RASGRP3: variants seen among roughly 807,000 people sequenced by gnomAD.
RASGRP3 encodes ras guanyl-releasing protein 3.
Under a neutral mutation model 82.7 loss-of-function variants are expected in RASGRP3, and 54 were observed. The observed-to-expected ratio is 0.65, with a 90% CI of 0.52 to 0.82. The LOEUF is 0.82. RASGRP3 is among the 40% of genes least tolerant of loss of function. The pLI, the probability that RASGRP3 is intolerant of heterozygous loss-of-function variation, is 0.00. For missense variants in RASGRP3, 861 were observed against 828.9 expected, an observed-to-expected ratio of 1.04 and a Z score of -0.48; for synonymous variants, 309 against 300.5, an observed-to-expected ratio of 1.03 and a Z score of -0.29.
intron 13 of RASGRP3, among the ~76,000 whole-genome samples, chr2:33,546,161 C>T (rs1024609025): frequency 2.0e-5 from 3 of 151,504 alleles, no homozygotes; most frequent in East Asian, 2.0e-4. Flanking sequence ...CTGTGGCCCA[C>T]GCCTGTAATC....
chr2:33,548,846 G>A (rs1309243512), intron 13 of RASGRP3, among the ~76,000 whole-genome samples: 2 of 151,920 alleles, frequency 1.3e-5, no homozygotes, highest in Non-Finnish European at 2.9e-5. Flanking sequence ...ACACCACCAC[G>A]TCCAGCTAAT....
chr2:33,535,573 C>G (rs2151058000), intron 11 of RASGRP3, among the ~76,000 whole-genome samples: 1 of 152,372 alleles, frequency 6.6e-6, no homozygotes, highest in East Asian at 1.9e-4. Flanking sequence ...CTGGCCCTGG[C>G]AGGGCATGCA....
intron 3 of RASGRP3, among the ~76,000 whole-genome samples, chr2:33,515,744 C>T (rs1671402507): frequency 6.6e-6 from 1 of 152,078 alleles, no homozygotes; most frequent in African/African-American, 2.4e-5. Context: ...CTGTATGCTC[C>T]TTGTGTTGTT....
At chr2:33,446,970 C>G (rs1665534282) in intron 1 of RASGRP3, among the ~76,000 whole-genome samples, 1 of 151,850 alleles carries the variant, frequency 6.6e-6, no homozygotes, top group African/African-American at 2.4e-5. Context: ...GGTGAAACCC[C>G]GTCTCTGCTA....
chr2:33,498,833 G>T (rs774681896), intron 1 of RASGRP3, among the ~76,000 whole-genome samples: 3 of 151,884 alleles, frequency 2.0e-5, no homozygotes, highest in African/African-American at 4.8e-5. Context: ...CCCCTCTCTA[G>T]ATCCTCAAGC....
intron 11 of RASGRP3, among the ~76,000 whole-genome samples, chr2:33,537,137 GA>G (rs1423530517): frequency 6.6e-6 from 1 of 151,884 alleles, no homozygotes; most frequent in Admixed American, 6.6e-5. Flanking sequence ...CTGGAAAGGG[GA>G]TGGAGTGGGA....
chr2:33,478,031 C>G (rs1416404997), intron 1 of RASGRP3, among the ~76,000 whole-genome samples: 1 of 152,122 alleles, frequency 6.6e-6, no homozygotes, highest in Non-Finnish European at 1.5e-5. Context: ...GAACACTGTT[C>G]TCTCCCCACC....
At position 33,558,227 on chromosome 2, in the gene RASGRP3, T is replaced by C. The variant is rs371961537; in HGVS notation, c.1596T>C (p.Cys532=). ...GYKCKDCGAN[C]HKQCKDLLVL... ...ATTTTTCAGACTGTGGAGCCAATTGTCACAAACAGTGCAAAGACCTCCTGG... is the reference window on the plus strand; with the variant it reads ...ATTTTTCAGACTGTGGAGCCAATTGCCACAAACAGTGCAAAGACCTCCTGG... The change falls in exon 16 of 18, where the codon TGT becomes TGC. Residue 532 remains cysteine (C), a synonymous_variant. Coordinates refer to ENST00000403687, the MANE Select transcript of RASGRP3 (RefSeq NM_001139488.2). 6.2e-7 allele frequency: 1 copy of C among 1,611,494 alleles called. No individual in the cohort carries two copies. Among genetic ancestry groups the C allele is most frequent in the Non-Finnish European group, 8.5e-7 (1 of 1,178,920 alleles).
chr2:33,516,983 C>T (rs978225794), intron 4 of RASGRP3, among the ~76,000 whole-genome samples: 12 of 152,286 alleles, frequency 7.9e-5, no homozygotes, highest in Admixed American at 2.0e-4. Context: ...TTTGTTTCTT[C>T]TGGGATGGCA....
At chr2:33,512,159 A>G (rs930821718) in intron 2 of RASGRP3, among the ~76,000 whole-genome samples, 9 of 152,206 alleles carry the variant, frequency 5.9e-5, no homozygotes, top group African/African-American at 1.7e-4. Context: ...GCAGAAACAG[A>G]TTGTAACCTG....
At chr2:33,528,806 T>C (rs1403795507) in intron 10 of RASGRP3, among the ~76,000 whole-genome samples, 3 of 152,204 alleles carry the variant, frequency 2.0e-5, no homozygotes, top group Admixed American at 2.0e-4. Flanking sequence ...AGTTGAGTTT[T>C]TGTGACAAAT....
chr2:33,514,868 A>G (rs754022000), intron 2 of RASGRP3, 142 bp from the exon 3 acceptor site: 1 of 443,924 alleles, frequency 2.3e-6, no homozygotes, highest in Non-Finnish European at 4.1e-6. Context: ...TAAAAGGTTG[A>G]TGTAATCTCA....
chr2:33,468,494 G>A (rs1017194773), intron 2 of RASGRP3, among the ~76,000 whole-genome samples: 1 of 151,598 alleles, frequency 6.6e-6, no homozygotes, highest in Non-Finnish European at 1.5e-5. Flanking sequence ...CTCTGCTTCC[G>A]AGGTTCAAGC....
chr2:33,521,533 G>A (rs1343389151), intron 6 of RASGRP3, among the ~76,000 whole-genome samples: 7 of 152,192 alleles, frequency 4.6e-5, no homozygotes, highest in Non-Finnish European at 1.0e-4. Context: ...TGGCAGCGAG[G>A]CCCAGGCCTC....
At chr2:33,507,318 G>C (rs773730891) in intron 1 of RASGRP3, among the ~76,000 whole-genome samples, 2 of 152,088 alleles carry the variant, frequency 1.3e-5, no homozygotes, top group Non-Finnish European at 2.9e-5. Flanking sequence ...TTGCTTGAAA[G>C]TGGGGGGCAG....
chr2:33,512,362 T>C (rs907428406), intron 2 of RASGRP3, among the ~76,000 whole-genome samples: 1 of 152,214 alleles, frequency 6.6e-6, no homozygotes, highest in Admixed American at 6.5e-5. Flanking sequence ...GGCCTATTTG[T>C]TCTAAGTAAT....
At position 33,562,919 on chromosome 2, in the gene RASGRP3, T is replaced by G; in HGVS notation, c.*182T>G. ...GGACAGAGAATTGACCCTAACTAAC[T>G]AACTATGAACTATTTATTTCCTCCT... is the stretch of plus-strand genomic sequence containing the variant. On this transcript the variant is annotated 3_prime_UTR_variant, in exon 18 of 18. Transcript: ENST00000403687. 1.4e-6 allele frequency: 1 copy of G among 722,248 alleles called. No individual in the cohort carries two copies. Among genetic ancestry groups the G allele is most frequent in the South Asian group, 1.9e-5 (1 of 52,998 alleles). 44.7% of individuals were successfully genotyped at this position (722,248 alleles called of 1,614,324 possible).
chr2:33,559,189 A>G (rs535717459), intron 17 of RASGRP3, among the ~76,000 whole-genome samples, 159 bp downstream of exon 17: 3 of 152,162 alleles, frequency 2.0e-5, no homozygotes, highest in Non-Finnish European at 4.4e-5. Flanking sequence ...CTGCCTAGCT[A>G]TGTGACCCTG....
Position 33,502,501 on chromosome 2 carries a change from CT to C in RASGRP3, c.-260-9195del, listed in dbSNP as rs3083004. 4.5e-3 allele frequency among the ~76,000 whole-genome samples: 604 copies of C among 135,666 alleles called. 1 individual carries two copies. Among genetic ancestry groups the C allele is most frequent in the African/African-American group, 0.013 (469 of 35,946 alleles). The allele number at this position is 135,666 out of a possible 152,430, so 89.0% of individuals were successfully genotyped here. A position where few individuals can be genotyped will look rare whatever the true frequency, so the allele number is the denominator to read the frequency against. On this transcript the variant is annotated intron_variant, in intron 1 of 17. Coordinates refer to ENST00000403687, the MANE Select transcript of RASGRP3 (RefSeq NM_001139488.2). ...TAACTGTCTCTTTCTTTTTTTCTTTCTTTTTTTTTTTTTTGAGATGGAATTT... is the reference window on the plus strand; with the variant it reads ...TAACTGTCTCTTTCTTTTTTTCTTTCTTTTTTTTTTTTTGAGATGGAATTT...
Sources: gnomAD v4.1 joint callset for allele counts (sites outside exome capture counted in the v4.1 genomes callset) on GRCh38, gnomAD v4.1.1 for gene constraint, MANE v1.5 for transcripts, NCBI Gene and HGNC (gene_info 2026-07-23, HGNC 2026-07-21) for gene names.